PTPRG: variants seen among roughly 807,000 people sequenced by gnomAD.
PTPRG encodes protein tyrosine phosphatase receptor type G.
In PTPRG, 102 loss-of-function variants were observed where a neutral mutation model predicts 165.3. That is an observed-to-expected ratio of 0.62 (90% CI 0.53 to 0.73). PTPRG has a LOEUF of 0.73. PTPRG is among the 30% of genes least tolerant of loss of function. PTPRG has a pLI of 0.00. For missense variants in PTPRG, 1,866 were observed against 1,861.4 expected, an observed-to-expected ratio of 1.00 and a Z score of -0.05; for synonymous variants, 675 against 669.5, an observed-to-expected ratio of 1.01 and a Z score of -0.13.
intron 5 of PTPRG, among the ~76,000 whole-genome samples, chr3:62,095,825 G>A (rs1702090201): frequency 6.6e-6 from 1 of 152,134 alleles, no homozygotes; most frequent in African/African-American, 2.4e-5. Flanking sequence ...GGAAATTACA[G>A]GCTGAGCAGA....
At chr3:61,709,592 G>C (rs551510531) in intron 1 of PTPRG, among the ~76,000 whole-genome samples, 1 of 152,248 alleles carries the variant, frequency 6.6e-6, no homozygotes, top group South Asian at 2.1e-4. Context: ...TAGGATTACA[G>C]GTGTGAGCCA....
chr3:62,285,293 T>G (rs1424280932), intron 28 of PTPRG, among the ~76,000 whole-genome samples: 2 of 152,154 alleles, frequency 1.3e-5, no homozygotes, highest in Non-Finnish European at 2.9e-5. Context: ...CAGAAAGCCT[T>G]GCTTTTTGTC....
intron 5 of PTPRG, among the ~76,000 whole-genome samples, chr3:62,125,068 T>C (rs907823438): frequency 2.0e-5 from 3 of 152,134 alleles, no homozygotes; most frequent in African/African-American, 7.2e-5. Flanking sequence ...AGCCAGTGCT[T>C]ATAATTTGAG....
At chr3:61,563,476 C>G (rs767613659) in intron 1 of PTPRG, among the ~76,000 whole-genome samples, 2 of 152,254 alleles carry the variant, frequency 1.3e-5, no homozygotes, top group East Asian at 3.9e-4. Context: ...GCAGCAGCCC[C>G]GAGCTCCCTC....
At position 61,874,515 on chromosome 3, in the gene PTPRG, C is replaced by T. The variant is rs1365239618; in HGVS notation, c.191-115110C>T. ...ACCCACCATTCCTTTTTCTTTCTTC[C>T]TTTTTTTTTTCTACACATAAACACA... On this transcript the variant is annotated intron_variant, in intron 2 of 29. Transcript: ENST00000474889. Among the ~76,000 whole-genome samples, 4 of 149,330 alleles carry T rather than the reference C, an allele frequency of 2.7e-5. No individual in the cohort carries two copies. The East Asian group carries it at 7.9e-4, about 29-fold the overall frequency.
intron 5 of PTPRG, among the ~76,000 whole-genome samples, chr3:62,101,251 T>G (rs1166209682): frequency 6.6e-6 from 1 of 152,162 alleles, no homozygotes; most frequent in Non-Finnish European, 1.5e-5. Flanking sequence ...ATCTCAGCAA[T>G]TCTATTGCAT....
At chr3:61,701,277 C>T (rs1359849707) in intron 1 of PTPRG, among the ~76,000 whole-genome samples, 1 of 152,124 alleles carries the variant, frequency 6.6e-6, no homozygotes, top group Non-Finnish European at 1.5e-5. Flanking sequence ...CTGTGTGATA[C>T]TTCTCACATT....
intron 4 of PTPRG, among the ~76,000 whole-genome samples, chr3:62,036,859 A>C (rs1699956340): frequency 1.3e-5 from 2 of 152,260 alleles, no homozygotes; most frequent in Middle Eastern, 3.4e-3. Flanking sequence ...TCCAGGGCAC[A>C]CTCCATTCCT....
intron 1 of PTPRG, among the ~76,000 whole-genome samples, chr3:61,641,669 AC>A (rs1393284977): frequency 1.3e-5 from 2 of 152,088 alleles, no homozygotes; most frequent in African/African-American, 2.4e-5. Context: ...ATATATAGAA[AC>A]CTAATCCAGG....
intron 1 of PTPRG, among the ~76,000 whole-genome samples, chr3:61,707,779 T>C (rs2031337353): frequency 6.6e-6 from 1 of 152,170 alleles, no homozygotes; most frequent in African/African-American, 2.4e-5. Context: ...TATTTTTATT[T>C]TTTAATGCCT....
intron 7 of PTPRG, among the ~76,000 whole-genome samples, chr3:62,157,585 A>C (rs968870274): frequency 6.6e-5 from 10 of 152,148 alleles, no homozygotes; most frequent in Non-Finnish European, 1.5e-4. Context: ...TTCATGAACA[A>C]CACTCTTGTG....
intron 5 of PTPRG, among the ~76,000 whole-genome samples, chr3:62,111,649 G>T (rs150095681): frequency 6.6e-6 from 1 of 152,088 alleles, no homozygotes; most frequent in South Asian, 2.1e-4. Flanking sequence ...GGGTCTCACT[G>T]TGTTGTCCAG....
At chr3:61,967,483 G>T (rs187836741) in intron 2 of PTPRG, among the ~76,000 whole-genome samples, 8 of 152,050 alleles carry the variant, frequency 5.3e-5, no homozygotes, top group African/African-American at 1.7e-4. Flanking sequence ...ATGGTCTCAC[G>T]CCTCATTTCA....
chr3:61,688,470 G>A (rs1033085341), intron 1 of PTPRG, among the ~76,000 whole-genome samples: 18 of 152,180 alleles, frequency 1.2e-4, no homozygotes, highest in African/African-American at 4.3e-4. Flanking sequence ...AGACTCAGAG[G>A]CCACCAGCTG....
intron 1 of PTPRG, among the ~76,000 whole-genome samples, chr3:61,631,223 G>A (rs1701767640): frequency 6.8e-6 from 1 of 147,624 alleles, no homozygotes; most frequent in South Asian, 2.1e-4. Flanking sequence ...AAAAAAAATG[G>A]GTAGCAACCT....
intron 15 of PTPRG, among the ~76,000 whole-genome samples, chr3:62,248,971 CTTG>C (rs1447031407): frequency 6.6e-6 from 1 of 152,126 alleles, no homozygotes; most frequent in African/African-American, 2.4e-5. Context: ...TTAAACCAAC[CTTG>C]TTGGCATATT....
At chr3:61,631,193 T>C (rs1701766748) in intron 1 of PTPRG, among the ~76,000 whole-genome samples, 1 of 148,544 alleles carries the variant, frequency 6.7e-6, no homozygotes, top group South Asian at 2.2e-4. Flanking sequence ...TACTACTATC[T>C]TGAAATTGTA....
At chr3:61,935,604 C>T (rs2039466284) in intron 2 of PTPRG, among the ~76,000 whole-genome samples, 1 of 151,706 alleles carries the variant, frequency 6.6e-6, no homozygotes, top group Non-Finnish European at 1.5e-5. Flanking sequence ...TGTTAGTATA[C>T]TTGTGCCATG....
intron 5 of PTPRG, among the ~76,000 whole-genome samples, chr3:62,128,770 G>A (rs1237658654): frequency 6.7e-6 from 1 of 149,706 alleles, no homozygotes; most frequent in Non-Finnish European, 1.5e-5. Context: ...TGCTAATACA[G>A]CCCTCTTCAC....
Sources: allele counts gnomAD v4.1 joint callset (sites outside exome capture counted in the v4.1 genomes callset), GRCh38; gene constraint gnomAD v4.1.1; transcripts MANE v1.5; gene names NCBI Gene and HGNC (gene_info 2026-07-23, HGNC 2026-07-21).